Variants in VPS37B observed in about 807,000 individuals in gnomAD.
VPS37B encodes vacuolar protein sorting-associated protein 37B.
VPS37B carries 11 observed loss-of-function variants against 21.2 expected under a neutral mutation model. The ratio of observed to expected loss-of-function variants is 0.52; its 90% CI spans 0.33 to 0.86. VPS37B has a LOEUF of 0.86. Ranked by LOEUF, VPS37B falls within the 40% of genes least tolerant of loss-of-function variation. The pLI, the probability that VPS37B is intolerant of heterozygous loss-of-function variation, is 0.03. For synonymous variants in VPS37B, 175 were observed against 159.6 expected (o/e 1.10, Z -0.73); for missense variants, 389 against 374.8 (o/e 1.04, Z -0.31).
chr12:122,873,991 A>C (rs1473632039), intron 1 of VPS37B: 1 of 152,220 alleles, frequency 6.6e-6, no homozygotes, highest in African/African-American at 2.4e-5. Context: ...AAGCGACCTA[A>C]GTTTGTTGAG....
In VPS37B at chr12:122,872,402, A is replaced by T. The variant is rs1027938087; in HGVS notation, c.112-1341T>A. 3.6e-4 allele frequency: 352 copies of T among 985,370 alleles called. 1 individual carries two copies. Among genetic ancestry groups the T allele is most frequent in the Middle Eastern group, 5.2e-4 (1 of 1,936 alleles). The allele number at this position is 985,370 out of a possible 1,614,324, so 61.0% of individuals were successfully genotyped here. On this transcript the variant is annotated intron_variant, in intron 1 of 3. Coordinates refer to ENST00000267202, the MANE Select transcript of VPS37B (RefSeq NM_024667.3). The stretch of plus-strand genomic sequence containing the variant: ...TCAGGCTCTGCTGAAACCCAACAGG[A>T]TTTAAATGACAATGAAAACCAAACC...
At chr12:122,888,377 T>C (rs1362092230) in intron 1 of VPS37B, 1 of 354,524 alleles carries the variant, frequency 2.8e-6, no homozygotes, top group African/African-American at 2.1e-5. Flanking sequence ...TAAGACATCA[T>C]TTCCAATGAT....
chr12:122,867,764 G>C lies in VPS37B; in HGVS notation c.367-157C>G, dbSNP rs1021881996. 6.6e-6 allele frequency among the ~76,000 whole-genome samples: 1 copy of C among 152,148 alleles called. No homozygotes were observed. The highest frequency in any genetic ancestry group is 2.4e-5 in the African/African-American group (1 of 41,402). ...CTCGCTCCTGCTCCAGATCCCAGAG[G>C]TCATGGGCTCAGGCTTCAGCATGAG... On this transcript the variant is annotated intron_variant, in intron 3 of 3. Transcript: ENST00000267202. The surrounding 1 kb of genome is among the most constrained non-coding windows in gnomAD (Gnocchi z 5.5).
chr12:122,872,140 TGC>T (rs771815613), intron 1 of VPS37B: 288 of 985,472 alleles, frequency 2.9e-4, no homozygotes, highest in Non-Finnish European at 3.4e-4. Flanking sequence ...CTGGCCATGC[TGC>T]CTCTGCTCCC....
At chr12:122,893,444 C>T (rs577104579) in intron 1 of VPS37B, among the ~76,000 whole-genome samples, 10 of 146,624 alleles carry the variant, frequency 6.8e-5, no homozygotes, top group Admixed American at 2.8e-4. Context: ...TTCTTTAACA[C>T]GCCATCACAA....
chr12:122,874,389 GATAC>G (rs2034105206), intron 1 of VPS37B: 2 of 152,330 alleles, frequency 1.3e-5, no homozygotes, highest in Admixed American at 1.3e-4. Context: ...GCTCCCTGCT[GATAC>G]ATACCGCTAA....
At chr12:122,879,080 A>G (rs1210941025) in intron 1 of VPS37B, 3 of 152,312 alleles carry the variant, frequency 2.0e-5, no homozygotes, top group Non-Finnish European at 4.4e-5. Context: ...GAAGCGGCAA[A>G]GAAGAGTCCT....
At chr12:122,879,389 C>G (rs2034210694) in intron 1 of VPS37B, 1 of 152,354 alleles carries the variant, frequency 6.6e-6, no homozygotes, top group Admixed American at 6.5e-5. Context: ...TGAAAAGGGA[C>G]AGCGGAGATG....
intron 1 of VPS37B, chr12:122,875,577 T>C (rs2034133403): frequency 6.6e-6 from 1 of 152,034 alleles, no homozygotes; most frequent in Non-Finnish European, 1.5e-5. Flanking sequence ...TCCTCAATCT[T>C]TTCATTGTTA....
chr12:122,889,350 C>G, intron 1 of VPS37B: 1 of 152,702 alleles, frequency 6.5e-6, no homozygotes, highest in Non-Finnish European at 1.5e-5. Context: ...TAATTTCTTC[C>G]TAACCTCCAC....
In VPS37B at chr12:122,895,944, C is replaced by G. The variant is rs764409782; in HGVS notation, c.111+8G>C. On this transcript the variant is annotated splice_region_variant and intron_variant, in intron 1 of 3. Transcript: ENST00000267202. ...CACAGCCGCCGCCTTAAGCCCAGCT[C>G]GGCTCACCTCCTCCATCTTCTGCAC... 1 of 1,610,888 alleles carries G rather than the reference C, an allele frequency of 6.2e-7. No homozygotes were observed. Among genetic ancestry groups the G allele is most frequent in the Non-Finnish European group, 8.5e-7 (1 of 1,178,460 alleles).
chr12:122,869,992 T>C (rs926895324), intron 2 of VPS37B: 1 of 151,302 alleles, frequency 6.6e-6, no homozygotes, highest in African/African-American at 2.4e-5. Flanking sequence ...CTCCTCCTAA[T>C]GGCTGCAAAT....
chr12:122,871,417 A>AT (rs902109130), intron 1 of VPS37B: 13 of 1,008,154 alleles, frequency 1.3e-5, no homozygotes, highest in African/African-American at 8.6e-5. Context: ...TTAGAATCTG[A>AT]TTTTTTTCAA....
rs1332289223 is a variant in VPS37B, at chr12:122,895,973, C to A, written c.90G>T (p.Glu30Asp). The A allele has an allele frequency of 1.9e-6, 3 of 1,609,992 alleles. No homozygotes were observed. Among genetic ancestry groups the A allele is most frequent in the African/African-American group, 2.7e-5 (2 of 74,122 alleles). The change falls in exon 1 of 4, where the codon GAG becomes GAT. Residue 30 changes from glutamate (E) to aspartate (D), a missense_variant. Glu to Asp is a conservative substitution (Grantham distance 45, BLOSUM62 2). Coordinates refer to ENST00000267202, the MANE Select transcript of VPS37B (RefSeq NM_024667.3). ...ELLEDEGQLT[E>D]MVQKMEETQN... is the part of the protein sequence containing the mutation. ...TCACCTCCTCCATCTTCTGCACCAT[C>A]TCCGTCAGCTGGCCCTCGTCCTCCA...
Position 122,866,774 on chromosome 12 carries a change from A to C in VPS37B, c.*342T>G, listed in dbSNP as rs924254790. The C allele has an allele frequency of 3.9e-6, 1 of 258,034 alleles. No individual in the cohort carries two copies. The highest frequency in any genetic ancestry group is 7.3e-6 in the Non-Finnish European group (1 of 136,816). The allele number at this position is 258,034 out of a possible 1,614,324, so 16.0% of individuals were successfully genotyped here. On this transcript the variant is annotated 3_prime_UTR_variant, in exon 4 of 4. Transcript: ENST00000267202. ...TATCATGAACCATGCTCATTAAATAAAGCTGCAACAGAAGGACCACGATTC... is the reference window on the plus strand; with the variant it reads ...TATCATGAACCATGCTCATTAAATACAGCTGCAACAGAAGGACCACGATTC...
intron 1 of VPS37B, 46 bp from the exon 2 acceptor site, chr12:122,871,107 C>G: frequency 6.2e-7 from 1 of 1,602,274 alleles, no homozygotes; most frequent in South Asian, 1.1e-5. Context: ...TATATCAGCT[C>G]CTAAACCCCT....
At chr12:122,876,387 G>C (rs1256026980) in intron 1 of VPS37B, 1 of 152,086 alleles carries the variant, frequency 6.6e-6, no homozygotes, top group Non-Finnish European at 1.5e-5. Flanking sequence ...CTCTTGGGAT[G>C]CTTACATTAA....
chr12:122,894,426 G>T (rs1349003671), intron 1 of VPS37B, among the ~76,000 whole-genome samples: 4 of 152,224 alleles, frequency 2.6e-5, no homozygotes, highest in Non-Finnish European at 5.9e-5. Context: ...ACAATGATCT[G>T]TTGAGGGTTT....
chr12:122,895,231 C>T lies in VPS37B; in HGVS notation c.111+721G>A, dbSNP rs541391835. 7.9e-5 allele frequency among the ~76,000 whole-genome samples: 12 copies of T among 152,102 alleles called. No homozygotes were observed. The South Asian group carries it at 1.9e-3, about 24-fold the overall frequency. ...CCCAACCCTTAAAGAGCCTCAGAACCACCTCATAGACTCAGCTACAGACCC... is the reference window on the plus strand; with the variant it reads ...CCCAACCCTTAAAGAGCCTCAGAACTACCTCATAGACTCAGCTACAGACCC... On this transcript the variant is annotated intron_variant, in intron 1 of 3. Transcript: ENST00000267202.
Sources: allele counts gnomAD v4.1 joint callset (sites outside exome capture counted in the v4.1 genomes callset), GRCh38; gene constraint gnomAD v4.1.1; non-coding constraint Gnocchi (gnomAD v3.1); transcripts MANE v1.5; gene names NCBI Gene and HGNC (gene_info 2026-07-23, HGNC 2026-07-21).